ANK2: variants seen among roughly 807,000 people sequenced by gnomAD.
ANK2 encodes ankyrin-2.
In ANK2, 83 loss-of-function variants were observed where a neutral mutation model predicts 360.5. The ratio of observed to expected loss-of-function variants is 0.23; its 90% CI spans 0.19 to 0.28. The LOEUF (loss-of-function observed/expected upper bound fraction) is 0.28. ANK2 is among the 10% of genes least tolerant of loss of function. The pLI, the probability that ANK2 is intolerant of heterozygous loss-of-function variation, is 1.00. For synonymous variants in ANK2, 1,740 were observed against 1,759.5 expected (o/e 0.99, Z 0.28); for missense variants, 4,201 against 4,795.7 (o/e 0.88, Z 3.66).
chr4:112,878,316 TATTTA>T, intron 1 of ANK2, among the ~76,000 whole-genome samples: 1 of 152,204 alleles, frequency 6.6e-6, no homozygotes, highest in Admixed American at 6.5e-5. Flanking sequence ...TTTGTTTATT[TATTTA>T]ATTTATTTTT....
chr4:112,854,942 G>A (rs1351614569), intron 1 of ANK2, among the ~76,000 whole-genome samples: 2 of 152,080 alleles, frequency 1.3e-5, no homozygotes, highest in Admixed American at 6.5e-5. Context: ...TTGACTGGGT[G>A]TTACAGAATT....
At chr4:113,022,189 A>G (rs981275846) in intron 2 of ANK2, among the ~76,000 whole-genome samples, 3 of 152,234 alleles carry the variant, frequency 2.0e-5, no homozygotes, top group Non-Finnish European at 2.9e-5. Flanking sequence ...ATTTGATAAT[A>G]CAAATAAATG....
chr4:113,141,015 G>A (rs1248189487), intron 1 of ANK2, among the ~76,000 whole-genome samples: 1 of 151,922 alleles, frequency 6.6e-6, no homozygotes, highest in Non-Finnish European at 1.5e-5. Flanking sequence ...AACATTTGAA[G>A]GAAAATAAAA....
the ANK2 span, among the ~76,000 whole-genome samples, chr4:112,751,096 G>A: frequency 6.6e-6 from 1 of 152,076 alleles, no homozygotes; most frequent in Non-Finnish European, 1.5e-5. Context: ...GCTATTTAAT[G>A]CATCATCATA....
intron 4 of ANK2, among the ~76,000 whole-genome samples, chr4:113,199,378 C>A (rs190192930): frequency 1.3e-5 from 2 of 152,048 alleles, no homozygotes; most frequent in African/African-American, 4.8e-5. Flanking sequence ...TGATTTTTTT[C>A]AGAATGACAG....
chr4:113,147,445 GAATT>G (rs1383570880), intron 1 of ANK2, among the ~76,000 whole-genome samples: 10 of 152,124 alleles, frequency 6.6e-5, no homozygotes, highest in South Asian at 2.1e-4. Flanking sequence ...TCATTTCTCT[GAATT>G]AATTAATATA....
intron 2 of ANK2, among the ~76,000 whole-genome samples, chr4:113,188,007 T>A (rs1397410360): frequency 6.6e-6 from 1 of 152,216 alleles, no homozygotes; most frequent in East Asian, 1.9e-4. Flanking sequence ...TATGTACATA[T>A]GTATAATCTT....
intron 2 of ANK2, among the ~76,000 whole-genome samples, chr4:113,011,891 T>C (rs959050015): frequency 6.6e-6 from 1 of 152,124 alleles, no homozygotes; most frequent in African/African-American, 2.4e-5. Flanking sequence ...TTTATGCATA[T>C]TTCTTATGTA....
At chr4:113,107,776 T>C (rs2093814876) in intron 1 of ANK2, among the ~76,000 whole-genome samples, 1 of 152,182 alleles carries the variant, frequency 6.6e-6, no homozygotes, top group Non-Finnish European at 1.5e-5. Context: ...CATGTGCTAT[T>C]TCACTTGGTT....
chr4:112,857,162 A>G (rs1410570599), intron 1 of ANK2, among the ~76,000 whole-genome samples: 1 of 152,182 alleles, frequency 6.6e-6, no homozygotes, highest in Non-Finnish European at 1.5e-5. Flanking sequence ...AGTTCAGGAG[A>G]GCCTGATTAA....
intron 1 of ANK2, among the ~76,000 whole-genome samples, chr4:112,845,498 A>G (rs61679768): frequency 0.028 from 4,302 of 152,280 alleles, 198 homozygotes; most frequent in African/African-American, 0.098. Flanking sequence ...ATAGATACCA[A>G]TTATCCCAGA....
In ANK2 at chr4:113,323,083, G is replaced by A. The variant is rs1033091699; in HGVS notation, c.2900+4463G>A. ...TGTGAAAGCTTATGGAGGGTTTTAC[G>A]GAAGAGCAGACTCATAGGTAGAAGA... is the stretch of plus-strand genomic sequence containing the variant. On this transcript the variant is annotated intron_variant, in intron 26 of 45. Coordinates refer to ENST00000357077, the MANE Select transcript of ANK2 (RefSeq NM_001148.6). Among the ~76,000 whole-genome samples the A allele has an allele frequency of 7.9e-5, 12 of 152,062 alleles. 1 individual carries two copies. The highest frequency in any genetic ancestry group is 1.7e-4 in the African/African-American group (7 of 41,426).
intron 1 of ANK2, among the ~76,000 whole-genome samples, chr4:113,124,182 G>T (rs528815702): frequency 3.2e-4 from 49 of 152,256 alleles, no homozygotes; most frequent in African/African-American, 3.4e-4. Flanking sequence ...TCTTAAACAC[G>T]TTATGCTGTT....
intron 1 of ANK2, among the ~76,000 whole-genome samples, chr4:113,173,457 C>G (rs1384746996): frequency 6.6e-6 from 1 of 152,124 alleles, no homozygotes; most frequent in African/African-American, 2.4e-5. Context: ...CCTTTTCATG[C>G]CTCCATTTTC....
intron 1 of ANK2, among the ~76,000 whole-genome samples, chr4:112,825,692 A>G (rs6831677): frequency 0.63 from 95,486 of 152,096 alleles, 31,856 homozygotes; most frequent in East Asian, 0.93. Context: ...TAATTAATAT[A>G]TTTACATGAC....
rs527916291 is a variant in ANK2, at chr4:113,159,004, A to T, written c.85-15412A>T. On this transcript the variant is annotated intron_variant, in intron 1 of 45. Coordinates refer to ENST00000357077, the MANE Select transcript of ANK2 (RefSeq NM_001148.6). Reference sequence around the variant, plus strand: ...TTGTCAGCTTTACATAAAAAAAGGTAAGGTAATATCCTCCCCAGGGTTCTG... The same window carrying T: ...TTGTCAGCTTTACATAAAAAAAGGTTAGGTAATATCCTCCCCAGGGTTCTG... 2.0e-5 allele frequency among the ~76,000 whole-genome samples: 3 copies of T among 152,248 alleles called. No individual in the cohort carries two copies. The East Asian group carries it at 5.8e-4, about 29-fold the overall frequency.
At chr4:113,219,882 T>A (rs2099130657) in intron 4 of ANK2, among the ~76,000 whole-genome samples, 2 of 152,168 alleles carry the variant, frequency 1.3e-5, no homozygotes, top group Non-Finnish European at 2.9e-5. Context: ...CCAACTAGGA[T>A]ACCTTCAATC....
chr4:113,232,202 C>G lies in ANK2; in HGVS notation c.426C>G (p.His142Gln), dbSNP rs2153534684. The change falls in exon 5 of 46, where the codon CAC (histidine) becomes CAG (glutamine). Residue 142 changes from histidine (H) to glutamine (Q), a missense_variant. His to Gln is a conservative substitution (Grantham distance 24). Transcript: ENST00000357077. ...TPLYMAAQEN[H>Q]IDVVKYLLEN... The stretch of plus-strand genomic sequence containing the variant: ...TATACATGGCTGCCCAAGAGAATCA[C>G]ATTGATGTTGTAAAATATTTGCTGG... 6.2e-7 allele frequency: 1 copy of G among 1,608,228 alleles called. No individual in the cohort carries two copies. Among genetic ancestry groups the G allele is most frequent in the East Asian group, 2.2e-5 (1 of 44,828 alleles).
intron 1 of ANK2, among the ~76,000 whole-genome samples, chr4:112,855,241 G>A (rs1024567585): frequency 2.0e-5 from 3 of 152,210 alleles, no homozygotes; most frequent in African/African-American, 7.2e-5. Context: ...CAGCAGCACT[G>A]CTGGCCCAGA....
Sources: allele counts gnomAD v4.1 joint callset (sites outside exome capture counted in the v4.1 genomes callset), GRCh38; gene constraint gnomAD v4.1.1; transcripts MANE v1.5; gene names NCBI Gene and HGNC (gene_info 2026-07-23, HGNC 2026-07-21).